TM6SF2: variants seen among roughly 807,000 people sequenced by gnomAD.
The protein encoded by TM6SF2 is transmembrane 6 superfamily member 2.
In TM6SF2, 29 loss-of-function variants were observed where a neutral mutation model predicts 41.0. That is an observed-to-expected ratio of 0.71 (90% CI 0.53 to 0.96). The LOEUF (loss-of-function observed/expected upper bound fraction) is 0.96. Ranked by LOEUF, TM6SF2 falls within the 50% of genes least tolerant of loss-of-function variation. The pLI, the probability that TM6SF2 is intolerant of heterozygous loss-of-function variation, is 0.00. For synonymous variants in TM6SF2, 200 were observed against 209.1 expected (o/e 0.96, Z 0.37); for missense variants, 475 against 499.0 (o/e 0.95, Z 0.46).
chr19:19,270,024 C>A, intron 4 of TM6SF2, 149 bp downstream of exon 4: 1 of 1,517,810 alleles, frequency 6.6e-7, no homozygotes, highest in Non-Finnish European at 8.8e-7. Flanking sequence ...TTCCCTGGAA[C>A]CTTCTCCTGG....
chr19:19,271,114 A>G lies in TM6SF2; in HGVS notation c.107T>C (p.Val36Ala). 2 of 1,613,954 alleles carry G rather than the reference A, an allele frequency of 1.2e-6. No individual in the cohort carries two copies. The highest frequency in any genetic ancestry group is 1.7e-6 in the Non-Finnish European group (2 of 1,179,882). Reference sequence around the variant, plus strand: ...CAGGATTAGGGCGCTCATCAATGCCACCCACAGGGGGCTGTGGAGAGGGAA... The same window carrying G: ...CAGGATTAGGGCGCTCATCAATGCCGCCCACAGGGGGCTGTGGAGAGGGAA... ...HVSALSHPLW[V>A]ALMSALILGL... Residue 36 changes from valine to alanine, a missense_variant, in exon 2 of 10, where the codon GTG becomes GCG. Coordinates refer to ENST00000389363, the MANE Select transcript of TM6SF2 (RefSeq NM_001001524.3).
chr19:19,265,481 C>T (rs1430349119), intron 9 of TM6SF2, among the ~76,000 whole-genome samples: 2 of 152,042 alleles, frequency 1.3e-5, no homozygotes, highest in African/African-American at 4.8e-5. Flanking sequence ...TGCAGTGGCA[C>T]AATCATGGCT....
chr19:19,267,997 A>G lies in TM6SF2; in HGVS notation c.700T>C (p.Phe234Leu), dbSNP rs1158032464. 4 of 1,612,712 alleles carry G rather than the reference A, an allele frequency of 2.5e-6. No individual in the cohort carries two copies. Among genetic ancestry groups the G allele is most frequent in the Non-Finnish European group, 3.4e-6 (4 of 1,178,968 alleles). ...CAGCGCAGACTCACCAGGCCCCGGA[A>G]CAGAGTGAAGAAGCCAGCAAGGATG... ...YLILAGFFTL[F>L]RGLVVLDCPT... is the part of the protein sequence containing the mutation. Residue 234 changes from phenylalanine (F) to leucine (L), a missense_variant, in exon 7 of 10, where the codon TTC (phenylalanine) becomes CTC (leucine). By Grantham distance (22) the Phe-to-Leu change is conservative. Around this residue, in one of 3 missense-constraint regions of TM6SF2, gnomAD observed 190 missense variants for 190.2 expected, o/e 1.00. Coordinates refer to ENST00000389363, the MANE Select transcript of TM6SF2 (RefSeq NM_001001524.3).
intron 6 of TM6SF2, 49 bp from the exon 7 acceptor site, chr19:19,268,136 G>T: frequency 7.6e-7 from 1 of 1,314,078 alleles, no homozygotes; most frequent in Non-Finnish European, 1.1e-6. Flanking sequence ...TCAATGACAA[G>T]TATTCAGTAG....
rs117182255 is a variant in TM6SF2, at chr19:19,271,327, C to T, written c.96-202G>A. Reference sequence around the variant, plus strand: ...CAGGCTGTTTCTTCCTTCTGGAAACCGCTTCCAGAAGTCTTTTCCACTTGG... The same window carrying T: ...CAGGCTGTTTCTTCCTTCTGGAAACTGCTTCCAGAAGTCTTTTCCACTTGG... On this transcript the variant is annotated intron_variant, in intron 1 of 9. Transcript: ENST00000389363. Among the ~76,000 whole-genome samples the T allele has an allele frequency of 6.6e-5, 10 of 152,210 alleles. No homozygotes were observed. In the East Asian group the frequency reaches 1.7e-3, roughly 26 times the overall value.
Position 19,269,704 on chromosome 19 carries a change from A to G in TM6SF2, c.467T>C (p.Leu156Pro), listed in dbSNP as rs187429064. The change falls in exon 5 of 10, where the codon CTT (leucine) becomes CCT (proline). Residue 156 changes from leucine (L) to proline (P), a missense_variant. Coordinates refer to ENST00000389363, the MANE Select transcript of TM6SF2 (RefSeq NM_001001524.3). ...GSFAMSILVFLTGNILGKYSS... is the reference protein window; with the variant it reads ...GSFAMSILVFPTGNILGKYSS... ...GTCCTTACCAAGAATGTTTCCTGTAAGGAACACCAGGATGCTCATGGCGAA... is the reference window on the plus strand; with the variant it reads ...GTCCTTACCAAGAATGTTTCCTGTAGGGAACACCAGGATGCTCATGGCGAA... 0.012 allele frequency: 20,171 copies of G among 1,614,156 alleles called. 214 individuals are homozygous for G. The highest frequency in any genetic ancestry group is 0.013 in the Non-Finnish European group (15,093 of 1,180,000).
At chr19:19,267,359 A>G (rs2061006455) in intron 8 of TM6SF2, among the ~76,000 whole-genome samples, 1 of 140,592 alleles carries the variant, frequency 7.1e-6, no homozygotes, top group Non-Finnish European at 1.5e-5. Flanking sequence ...CAAGAGCAAA[A>G]CTCTGTTTAA....
At chr19:19,266,222 A>T (rs2061002555) in intron 9 of TM6SF2, among the ~76,000 whole-genome samples, 1 of 152,094 alleles carries the variant, frequency 6.6e-6, no homozygotes, top group African/African-American at 2.4e-5. Flanking sequence ...TCATCCTCGT[A>T]CATCAAAGCC....
At chr19:19,269,166 G>T (rs936849720) in intron 5 of TM6SF2, among the ~76,000 whole-genome samples, 2 of 152,172 alleles carry the variant, frequency 1.3e-5, no homozygotes, top group Non-Finnish European at 2.9e-5. Flanking sequence ...CCTCATTCAA[G>T]CTCCACCACC....
intron 9 of TM6SF2, 69 bp from the exon 10 acceptor site, chr19:19,264,942 G>GC (rs897424298): frequency 2.2e-5 from 28 of 1,253,298 alleles, no homozygotes; most frequent in African/African-American, 3.1e-5. Context: ...ATCACCGACA[G>GC]CCCCCCAGGT....
chr19:19,266,412 G>A, intron 9 of TM6SF2, 78 bp downstream of exon 9: 1 of 1,577,634 alleles, frequency 6.3e-7, no homozygotes, highest in East Asian at 2.3e-5. Flanking sequence ...CAGTGCCCAG[G>A]GAGGACACCA....
chr19:19,268,446 G>A (rs964863374), intron 6 of TM6SF2, among the ~76,000 whole-genome samples, 184 bp downstream of exon 6: 1 of 151,948 alleles, frequency 6.6e-6, no homozygotes, highest in Non-Finnish European at 1.5e-5. Context: ...GGGCTCAAGC[G>A]ATCCTCATGC....
At position 19,270,457 on chromosome 19, in the gene TM6SF2, C is replaced by G; in HGVS notation, c.200-15G>C. ...GACAGCGAAGACTGCAGTGAGTGGG[C>G]GGGCCGGGTCAGGTGTGGGAGGGGA... On this transcript the variant is annotated splice_polypyrimidine_tract_variant and intron_variant, in intron 2 of 9. Transcript: ENST00000389363. 1.3e-6 allele frequency: 2 copies of G among 1,553,876 alleles called. No homozygotes were observed. The highest frequency in any genetic ancestry group is 1.1e-5 in the South Asian group (1 of 87,838).
In TM6SF2 at chr19:19,268,388, TAG is replaced by T. The variant is rs199729439; in HGVS notation, c.609+240_609+241del. On this transcript the variant is annotated intron_variant, in intron 6 of 9. Transcript: ENST00000389363. ...ATCTGGCTAATTTTTTAACTTTTTGTAGAGTTAAAAAATCTGGCTGTGTTGCC... is the reference window on the plus strand; with the variant it reads ...ATCTGGCTAATTTTTTAACTTTTTGTAGTTAAAAAATCTGGCTGTGTTGCC... 9.4e-3 allele frequency among the ~76,000 whole-genome samples: 1,431 copies of T among 152,062 alleles called. 25 individuals carry two copies. The highest frequency in any genetic ancestry group is 0.033 in the African/African-American group (1,378 of 41,482).
At chr19:19,267,184 CA>C in intron 8 of TM6SF2, among the ~76,000 whole-genome samples, 1 of 152,122 alleles carries the variant, frequency 6.6e-6, no homozygotes, top group East Asian at 1.9e-4. Flanking sequence ...GCCTGACCAA[CA>C]TGGCAAAACC....
chr19:19,273,111 C>A lies in TM6SF2; in HGVS notation c.95+10G>T. 6.8e-7 allele frequency: 1 copy of A among 1,477,032 alleles called. No individual in the cohort carries two copies. Among genetic ancestry groups the A allele is most frequent in the Admixed American group, 2.3e-5 (1 of 44,398 alleles). 91.5% of individuals were successfully genotyped at this position (1,477,032 alleles called of 1,614,324 possible). A position where few individuals can be genotyped will look rare whatever the true frequency, so the allele number is the denominator to read the frequency against. On this transcript the variant is annotated intron_variant, in intron 1 of 9. Transcript: ENST00000389363. ...TCCCCAAGGCCGCCCTGGCCCCTCT[C>A]CGCACGCACTGCGAGAGCGCCGAGA... is the stretch of plus-strand genomic sequence containing the variant.
chr19:19,266,383 T>C, intron 9 of TM6SF2, 107 bp downstream of exon 9: 4 of 1,486,952 alleles, frequency 2.7e-6, no homozygotes, highest in African/African-American at 1.4e-5. Flanking sequence ...GGCTGGGGCC[T>C]CTTGGGGGCT....
chr19:19,270,124 G>A (rs184107342), intron 4 of TM6SF2, 49 bp downstream of exon 4: 22 of 1,610,118 alleles, frequency 1.4e-5, no homozygotes, highest in Non-Finnish European at 1.9e-5. Flanking sequence ...ATCTGAGGAT[G>A]CAACTTCTCT....
intron 8 of TM6SF2, 127 bp downstream of exon 8, chr19:19,267,494 T>C (rs1477432905): frequency 2.5e-5 from 16 of 633,452 alleles, no homozygotes; most frequent in Non-Finnish European, 4.0e-5. Context: ...TGTCCTTTTT[T>C]GGTAGGACAG....
Sources: allele counts gnomAD v4.1 joint callset (sites outside exome capture counted in the v4.1 genomes callset), GRCh38; gene constraint gnomAD v4.1.1; regional missense constraint gnomAD v4.1.1; transcripts MANE v1.5; gene names NCBI Gene and HGNC (gene_info 2026-07-23, HGNC 2026-07-21).